The following MAPK8 variants were observed in gnomAD, a reference collection of about 807,000 sequenced individuals.
MAPK8 encodes mitogen-activated protein kinase 8.
A neutral mutation model predicts 52.9 loss-of-function variants in MAPK8; 13 were observed. The observed-to-expected ratio is 0.25, with a 90% CI of 0.16 to 0.39. The LOEUF (loss-of-function observed/expected upper bound fraction) is 0.39, where lower values mean the gene tolerates loss of function less well. MAPK8 is among the 10% of genes least tolerant of loss of function. The probability of loss-of-function intolerance (pLI) is 1.00; values close to 1 mark genes in which losing one functional copy is unlikely to be tolerated. For missense variants in MAPK8, 300 were observed against 519.2 expected (o/e 0.58, Z 4.10); for synonymous variants, 191 against 169.8 (o/e 1.12, Z -0.97).
intron 6 of MAPK8, among the ~76,000 whole-genome samples, chr10:48,421,409 C>CTG (rs1482765221): frequency 6.6e-6 from 1 of 152,100 alleles, no homozygotes; most frequent in Non-Finnish European, 1.5e-5. Context: ...TTTGCATTTG[C>CTG]TGTAATTGAT....
chr10:48,404,801 A>G (rs3730156), intron 2 of MAPK8, 51 bp from the exon 3 acceptor site: 2 of 1,465,966 alleles, frequency 1.4e-6, no homozygotes, highest in Admixed American at 2.0e-5. Context: ...AATTCAGTTT[A>G]CAGATTTTTG....
At chr10:48,329,226 C>G (rs1843859778) in intron 1 of MAPK8, among the ~76,000 whole-genome samples, 1 of 152,146 alleles carries the variant, frequency 6.6e-6, no homozygotes, top group Non-Finnish European at 1.5e-5. Flanking sequence ...CTTTGTGCTG[C>G]CCCTCTTTCC....
At chr10:48,427,171 A>G in intron 10 of MAPK8, 28 bp downstream of exon 10, 4 of 1,567,246 alleles carry the variant, frequency 2.6e-6, no homozygotes, top group South Asian at 1.1e-5. Flanking sequence ...TTAGAGGGAA[A>G]ACTGTGAAGG....
intron 11 of MAPK8, among the ~76,000 whole-genome samples, chr10:48,431,916 C>T (rs1414797410): frequency 6.6e-6 from 1 of 152,164 alleles, no homozygotes; most frequent in Non-Finnish European, 1.5e-5. Flanking sequence ...TTATTTCATT[C>T]AGCCCCTAAG....
chr10:48,401,830 C>T, intron 2 of MAPK8, 48 bp downstream of exon 2: 1 of 1,337,042 alleles, frequency 7.5e-7, no homozygotes, highest in Non-Finnish European at 9.7e-7. Context: ...TAACTGCTAC[C>T]TTTTCTCCTC....
chr10:48,348,822 A>T (rs10218874), intron 1 of MAPK8, among the ~76,000 whole-genome samples: 3 of 151,702 alleles, frequency 2.0e-5, no homozygotes, highest in Non-Finnish European at 4.4e-5. Flanking sequence ...AGGTAGTGTG[A>T]TGCCTCGAGC....
Position 48,412,339 on chromosome 10 carries a change from A to G in MAPK8, c.450+2171A>G, listed in dbSNP as rs915225256. On this transcript the variant is annotated intron_variant, in intron 5 of 11. Coordinates refer to ENST00000374189, the MANE Select transcript of MAPK8 (RefSeq NM_001323329.2). Reference sequence around the variant, plus strand: ...TCTTAGTGCAGATCTCTTTATGTTTATCCATCTTAGTATTCATTCAGCAGC... The same window carrying G: ...TCTTAGTGCAGATCTCTTTATGTTTGTCCATCTTAGTATTCATTCAGCAGC... Among the ~76,000 whole-genome samples the G allele has an allele frequency of 5.3e-4, 80 of 152,028 alleles. 2 individuals carry two copies. The highest frequency in any genetic ancestry group is 1.3e-4 in the Non-Finnish European group (9 of 67,994).
Position 48,413,541 on chromosome 10 carries a change from C to T in MAPK8, c.450+3373C>T, listed in dbSNP as rs76466066. 5.0e-3 allele frequency among the ~76,000 whole-genome samples: 764 copies of T among 151,826 alleles called. 4 individuals carry two copies. The highest frequency in any genetic ancestry group is 0.017 in the Middle Eastern group (5 of 294). Reference sequence around the variant, plus strand: ...CTTGGTTCTGAGTTCACTTGATTGCCGTAAACCTTTGAATAATTTCCAGAA... The same window carrying T: ...CTTGGTTCTGAGTTCACTTGATTGCTGTAAACCTTTGAATAATTTCCAGAA... On this transcript the variant is annotated intron_variant, in intron 5 of 11. Coordinates refer to ENST00000374189, the MANE Select transcript of MAPK8 (RefSeq NM_001323329.2).
intron 1 of MAPK8, among the ~76,000 whole-genome samples, chr10:48,332,635 C>T (rs2132262228): frequency 6.6e-6 from 1 of 152,328 alleles, no homozygotes; most frequent in South Asian, 2.1e-4. Flanking sequence ...GGGAGGCTTG[C>T]TTAGCAGCTT....
In MAPK8 at chr10:48,382,912, A is replaced by G. The variant is rs979701080; in HGVS notation, c.-49-18700A>G. On this transcript the variant is annotated intron_variant, in intron 1 of 11. Coordinates refer to ENST00000374189, the MANE Select transcript of MAPK8 (RefSeq NM_001323329.2). The stretch of plus-strand genomic sequence containing the variant: ...TGTATATATATAGCTATGTGTATAT[A>G]TATATATGTATATATATATAGCTAT... Among the ~76,000 whole-genome samples the G allele has an allele frequency of 9.2e-5, 4 of 43,484 alleles. No homozygotes were observed. In the Admixed American group the frequency reaches 9.2e-4, roughly 10 times the overall value. The allele number at this position is 43,484 out of a possible 152,430, so 28.5% of individuals were successfully genotyped here.
chr10:48,315,708 TTAAA>T (rs1842435170), intron 1 of MAPK8, among the ~76,000 whole-genome samples: 1 of 150,932 alleles, frequency 6.6e-6, no homozygotes, highest in East Asian at 1.9e-4. Context: ...ATTTCATATA[TTAAA>T]TAATAAGCCC....
chr10:48,390,507 G>C (rs1174517831), intron 1 of MAPK8, among the ~76,000 whole-genome samples: 3 of 152,206 alleles, frequency 2.0e-5, no homozygotes, highest in Non-Finnish European at 4.4e-5. Flanking sequence ...GAACCTTGTT[G>C]TATTACCTGA....
chr10:48,426,769 A>C (rs2043708359), intron 9 of MAPK8: 2 of 490,598 alleles, frequency 4.1e-6, no homozygotes, highest in Admixed American at 7.5e-5. Flanking sequence ...GCTCTGGGGG[A>C]ACATCCTAAC....
At chr10:48,339,785 GA>G (rs886601025) in intron 1 of MAPK8, among the ~76,000 whole-genome samples, 1 of 152,002 alleles carries the variant, frequency 6.6e-6, no homozygotes, top group African/African-American at 2.4e-5. Flanking sequence ...TACGAGTGGC[GA>G]AAAAAGGTGA....
At chr10:48,315,207 A>C (rs1588907391) in intron 1 of MAPK8, among the ~76,000 whole-genome samples, 1 of 151,902 alleles carries the variant, frequency 6.6e-6, no homozygotes, top group African/African-American at 2.4e-5. Flanking sequence ...TCTAGTCTGT[A>C]CCCCTCCTCT....
intron 1 of MAPK8, among the ~76,000 whole-genome samples, chr10:48,328,913 A>T (rs766662626): frequency 3.3e-5 from 5 of 152,006 alleles, no homozygotes; most frequent in African/African-American, 4.8e-5. Flanking sequence ...CGGTATTCTG[A>T]ATTATCTAAT....
At chr10:48,406,228 G>A (rs1047289239) in intron 3 of MAPK8, among the ~76,000 whole-genome samples, 6 of 152,192 alleles carry the variant, frequency 3.9e-5, no homozygotes. Flanking sequence ...TAATAATAGG[G>A]AGGAAGTTGT....
intron 1 of MAPK8, among the ~76,000 whole-genome samples, chr10:48,368,713 TAA>T (rs1422670070): frequency 2.0e-5 from 3 of 152,222 alleles, no homozygotes. Flanking sequence ...GTCTTAGTTA[TAA>T]GTCAGAAACT....
At chr10:48,403,433 G>A (rs1473329337) in intron 2 of MAPK8, among the ~76,000 whole-genome samples, 1 of 151,498 alleles carries the variant, frequency 6.6e-6, no homozygotes, top group African/African-American at 2.4e-5. Flanking sequence ...ACTCCAGCCT[G>A]GGTGATAGAG....
Sources: allele counts gnomAD v4.1 joint callset (sites outside exome capture counted in the v4.1 genomes callset), GRCh38; gene constraint gnomAD v4.1.1; transcripts MANE v1.5; gene names NCBI Gene and HGNC (gene_info 2026-07-23, HGNC 2026-07-21).